The following VPS11 variants were observed in gnomAD, a reference collection of about 807,000 sequenced individuals.
VPS11 encodes the protein vacuolar protein sorting-associated protein 11 homolog.
In VPS11, 51 loss-of-function variants were observed where a neutral mutation model predicts 106.8. That is an observed-to-expected ratio of 0.48 (90% CI 0.38 to 0.60). The LOEUF (loss-of-function observed/expected upper bound fraction) is 0.60. VPS11 is among the 20% of genes least tolerant of loss of function. The pLI, the probability that VPS11 is intolerant of heterozygous loss-of-function variation, is 0.00. For synonymous variants in VPS11, 453 were observed against 458.7 expected, an observed-to-expected ratio of 0.99 and a Z score of 0.16; for missense variants, 950 against 1,190.0, an observed-to-expected ratio of 0.80 and a Z score of 2.97.
chr11:119,076,757 A>T, intron 7 of VPS11, 140 bp from the exon 8 acceptor site: 1 of 992,018 alleles, frequency 1.0e-6, no homozygotes, highest in Non-Finnish European at 1.5e-6. Flanking sequence ...GGACTTTGTT[A>T]GAAATGTAGA....
chr11:119,072,043 T>C (rs1439938835), intron 5 of VPS11, 200 bp downstream of exon 5: 2 of 590,394 alleles, frequency 3.4e-6, no homozygotes, highest in Non-Finnish European at 5.6e-6. Flanking sequence ...CTCGGCTCAC[T>C]GCAGCCTCGC....
rs371402912 is a variant in VPS11, at chr11:119,073,838, C to A, written c.1125C>A (p.Asn375Lys). ...FKKNLFEMAI[N>K]LAKSQHLDSD... ...AGAACCTATTTGAGATGGCGATTAA[C>A]CTTGCCAAGAGCCAGCATCTGGACA... Residue 375 changes from asparagine (N) to lysine (K), a missense_variant, in exon 7 of 16, where the codon AAC becomes AAA. This residue lies in a region of VPS11 where 435 missense variants were observed against 630.2 expected (regional missense o/e 0.69). Transcript: ENST00000621676. 6.2e-7 allele frequency: 1 copy of A among 1,613,400 alleles called. No individual in the cohort carries two copies. The highest frequency in any genetic ancestry group is 1.7e-5 in the Admixed American group (1 of 59,990).
chr11:119,080,760 GT>G (rs1945821491), intron 14 of VPS11, among the ~76,000 whole-genome samples: 1 of 152,234 alleles, frequency 6.6e-6, no homozygotes, highest in Admixed American at 6.5e-5. Flanking sequence ...GTGTTAACAA[GT>G]TTAGAGAAGG....
In VPS11 at chr11:119,071,721, T is replaced by C. The variant is rs1379792956; in HGVS notation, c.762T>C (p.Cys254=). ...DLQFIVAGDE[C]VYLYQPDERG... Reference sequence around the variant, plus strand: ...AGTTCATTGTGGCCGGGGATGAGTGTGTCTACTTGTACCAGCCTGATGAAC... The same window carrying C: ...AGTTCATTGTGGCCGGGGATGAGTGCGTCTACTTGTACCAGCCTGATGAAC... The change falls in exon 5 of 16, where the codon TGT becomes TGC. Residue 254 remains cysteine, a synonymous_variant. Coordinates refer to ENST00000621676, the MANE Select transcript of VPS11 (RefSeq NM_021729.6). The C allele has an allele frequency of 3.1e-6, 5 of 1,614,020 alleles. No homozygotes were observed. In the Admixed American group the frequency reaches 5.0e-5, roughly 16 times the overall value.
At position 119,071,778 on chromosome 11, in the gene VPS11, G is replaced by C. The variant is rs544985451; in HGVS notation, c.819G>C (p.Lys273Asn). 6.2e-7 allele frequency: 1 copy of C among 1,613,854 alleles called. No individual in the cohort carries two copies. Among genetic ancestry groups the C allele is most frequent in the Non-Finnish European group, 8.5e-7 (1 of 1,179,900 alleles). ...RGPCFAFEGH[K>N]LIAHWFRGYL... is the part of the protein sequence containing the mutation. ...CCTGCTTCGCCTTTGAGGGCCATAA[G>C]CTCATTGCCCACTGGTTTAGAGGCT... The change falls in exon 5 of 16, where the codon AAG becomes AAC. Residue 273 changes from lysine (K) to asparagine (N), a missense_variant. By Grantham distance (94) the Lys-to-Asn change is moderately conservative (BLOSUM62 0). Coordinates refer to ENST00000621676, the MANE Select transcript of VPS11 (RefSeq NM_021729.6).
intron 14 of VPS11, among the ~76,000 whole-genome samples, chr11:119,080,440 C>T (rs1945809964): frequency 6.6e-6 from 1 of 151,986 alleles, no homozygotes; most frequent in African/African-American, 2.4e-5. Context: ...GCAATCTCGG[C>T]TCACTGCAAC....
intron 7 of VPS11, among the ~76,000 whole-genome samples, chr11:119,074,556 G>A (rs1945527385): frequency 6.6e-6 from 1 of 151,864 alleles, no homozygotes; most frequent in Non-Finnish European, 1.5e-5. Flanking sequence ...GGATCATGCT[G>A]CCATGCCTGG....
rs985293702 is a variant in VPS11 at position 119,074,032 on chromosome 11, G to T, written c.1238+81G>T. On this transcript the variant is annotated intron_variant, in intron 7 of 15. Coordinates refer to ENST00000621676, the MANE Select transcript of VPS11 (RefSeq NM_021729.6). Reference sequence around the variant, plus strand: ...TAGCTAAAGCCCATCCATGCTCCAGGTAGGGGCTAGAATTCTACCAGGAAC... The same window carrying T: ...TAGCTAAAGCCCATCCATGCTCCAGTTAGGGGCTAGAATTCTACCAGGAAC... The T allele has an allele frequency of 2.7e-6, 4 of 1,473,486 alleles. No individual in the cohort carries two copies. In the Admixed American group the frequency reaches 6.3e-5, roughly 23 times the overall value. 91.3% of individuals were successfully genotyped at this position (1,473,486 alleles called of 1,614,324 possible). A position where few individuals can be genotyped will look rare whatever the true frequency, so the allele number is the denominator to read the frequency against.
intron 8 of VPS11, among the ~76,000 whole-genome samples, 173 bp from the exon 9 acceptor site, chr11:119,077,328 G>T (rs749408598): frequency 6.6e-6 from 1 of 152,182 alleles, no homozygotes. Flanking sequence ...TCCCTCTAAT[G>T]GTAGGGGCAG....
chr11:119,074,093 GTTT>G, intron 7 of VPS11, 142 bp downstream of exon 7: 2 of 1,093,838 alleles, frequency 1.8e-6, no homozygotes, highest in South Asian at 3.7e-5. Flanking sequence ...GTTTTTGTTA[GTTT>G]TTTTTTGAGA....
At chr11:119,072,013 C>G in intron 5 of VPS11, 170 bp downstream of exon 5, 1 of 868,662 alleles carries the variant, frequency 1.2e-6, no homozygotes, top group Non-Finnish European at 1.7e-6. Context: ...CTCTGTCACC[C>G]AGGAGTGCAG....
rs1421733135 is a variant in VPS11, at chr11:119,081,193, T to G, written c.2540T>G (p.Phe847Cys). 6.2e-7 allele frequency: 1 copy of G among 1,613,942 alleles called. No individual in the cohort carries two copies. Among genetic ancestry groups the G allele is most frequent in the Non-Finnish European group, 8.5e-7 (1 of 1,179,902 alleles). ...LCGHSFHQHC[F>C]ESYSESDADC... Reference sequence around the variant, plus strand: ...GGCCACTCCTTCCACCAACACTGCTTTGAGAGTTACTCGGAAAGTGATGCT... The same window carrying G: ...GGCCACTCCTTCCACCAACACTGCTGTGAGAGTTACTCGGAAAGTGATGCT... Residue 847 changes from phenylalanine (F) to cysteine (C), a missense_variant, in exon 15 of 16, where the codon TTT (phenylalanine) becomes TGT (cysteine). Phe to Cys is a radical substitution (Grantham distance 205). This residue lies in a region of VPS11 where 453 missense variants were observed against 514.6 expected (regional missense o/e 0.88). Coordinates refer to ENST00000621676, the MANE Select transcript of VPS11 (RefSeq NM_021729.6).
intron 14 of VPS11, 52 bp from the exon 15 acceptor site, chr11:119,081,040 C>T: frequency 6.5e-7 from 1 of 1,540,834 alleles, no homozygotes; most frequent in Admixed American, 1.7e-5. Flanking sequence ...ATCCTTGACT[C>T]CTGGCCTTGC....
Position 119,071,675 on chromosome 11 carries a change from G to A in VPS11, c.716G>A (p.Ser239Asn). The change falls in exon 5 of 16, where the codon AGT becomes AAT. Residue 239 changes from serine (S) to asparagine (N), a missense_variant. By Grantham distance (46) the Ser-to-Asn change is conservative. Transcript: ENST00000621676. ...HGCGLRCSAL[S>N]DPSQDLQFIV... The stretch of plus-strand genomic sequence containing the variant: ...TGTGGCCTGCGCTGCTCAGCCCTAA[G>A]TGACCCTTCTCAGGACCTGCAGTTC... 1 of 1,614,058 alleles carries A rather than the reference G, an allele frequency of 6.2e-7. No individual in the cohort carries two copies. The highest frequency in any genetic ancestry group is 8.5e-7 in the Non-Finnish European group (1 of 1,179,900).
intron 7 of VPS11, among the ~76,000 whole-genome samples, chr11:119,076,320 A>G (rs1033700807): frequency 2.0e-5 from 3 of 152,200 alleles, no homozygotes; most frequent in African/African-American, 7.2e-5. Context: ...TGAGGTCGGG[A>G]GTTCGAAACT....
chr11:119,077,435 G>A, intron 8 of VPS11, 66 bp from the exon 9 acceptor site: 1 of 1,557,630 alleles, frequency 6.4e-7, no homozygotes. Flanking sequence ...AAAGTCAGGT[G>A]CCTGTTTCCT....
chr11:119,069,049 C>G (rs1354115207), intron 1 of VPS11, 147 bp from the exon 2 acceptor site: 1 of 626,856 alleles, frequency 1.6e-6, no homozygotes, highest in East Asian at 5.3e-5. Context: ...TGTGAGTCAC[C>G]GCGCCTGGCC....
Position 119,081,529 on chromosome 11 carries a change from C to A in VPS11, c.2732C>A (p.Thr911Asn). 3 of 1,614,018 alleles carry A rather than the reference C, an allele frequency of 1.9e-6. No individual in the cohort carries two copies. The highest frequency in any genetic ancestry group is 2.5e-6 in the Non-Finnish European group (3 of 1,179,900). The part of the protein sequence containing the change: ...YFGRGVFNKL[T>N]LLTDPPTARL... The stretch of plus-strand genomic sequence containing the variant: ...GGCAGAGGTGTTTTCAACAAATTGA[C>A]TCTGCTGACCGACCCTCCCACAGCC... Residue 911 changes from threonine (T) to asparagine (N), a missense_variant, in exon 16 of 16, where the codon ACT (threonine) becomes AAT (asparagine). Coordinates refer to ENST00000621676, the MANE Select transcript of VPS11 (RefSeq NM_021729.6).
intron 4 of VPS11, 49 bp from the exon 5 acceptor site, chr11:119,071,545 TAG>T: frequency 6.3e-7 from 1 of 1,598,700 alleles, no homozygotes; most frequent in Non-Finnish European, 8.6e-7. Context: ...TGTGAAGGCT[TAG>T]AGTTACCTCC....
Sources: gnomAD v4.1 joint callset for allele counts (sites outside exome capture counted in the v4.1 genomes callset) on GRCh38, gnomAD v4.1.1 for gene constraint, gnomAD v4.1.1 regional missense constraint, MANE v1.5 for transcripts, NCBI Gene and HGNC (gene_info 2026-07-23, HGNC 2026-07-21) for gene names.